Variants in THSD7B observed in about 807,000 individuals in gnomAD.
The protein encoded by THSD7B is thrombospondin type 1 domain containing 7B.
Under a neutral mutation model 213.6 loss-of-function variants are expected in THSD7B, and 138 were observed. The observed-to-expected ratio is 0.65, with a 90% CI of 0.56 to 0.74. THSD7B has a LOEUF of 0.74. Among genes scored for constraint, THSD7B ranks in the 30% least tolerant of loss-of-function variants. The pLI, the probability that THSD7B is intolerant of heterozygous loss-of-function variation, is 0.00. For missense variants in THSD7B, 1,931 were observed against 1,991.5 expected, an observed-to-expected ratio of 0.97 and a Z score of 0.58; for synonymous variants, 742 against 687.0, an observed-to-expected ratio of 1.08 and a Z score of -1.25.
At chr2:137,043,015 G>A (rs1686909682) in intron 2 of THSD7B, among the ~76,000 whole-genome samples, 1 of 152,178 alleles carries the variant, frequency 6.6e-6, no homozygotes, top group South Asian at 2.1e-4. Flanking sequence ...GATTTTCTCA[G>A]TGCACTATTG....
rs534751379 is a variant in THSD7B at position 137,219,197 on chromosome 2, A to G, written c.1724-11847A>G. ...CCATGTTCTGCAAAATTGAATAGGA[A>G]CAGTTTAATAGCCAGGGAATCAGGC... On this transcript the variant is annotated intron_variant, in intron 7 of 27. Coordinates refer to ENST00000409968, the MANE Select transcript of THSD7B (RefSeq NM_001316349.2). Among the ~76,000 whole-genome samples the G allele has an allele frequency of 5.9e-5, 9 of 152,232 alleles. No individual in the cohort carries two copies. In the South Asian group the frequency reaches 1.2e-3, roughly 21 times the overall value.
chr2:137,110,186 TC>T (rs1382006192), intron 4 of THSD7B, among the ~76,000 whole-genome samples: 1 of 152,186 alleles, frequency 6.6e-6, no homozygotes, highest in African/African-American at 2.4e-5. Context: ...TGTCTGTCTA[TC>T]CCACCAGAAG....
intron 21 of THSD7B, among the ~76,000 whole-genome samples, chr2:137,651,914 C>T (rs1683148132): frequency 1.3e-5 from 2 of 152,112 alleles, no homozygotes; most frequent in African/African-American, 4.8e-5. Flanking sequence ...GATCAGAAAA[C>T]ATACTTGATA....
At chr2:137,052,845 A>C (rs898334195) in intron 2 of THSD7B, among the ~76,000 whole-genome samples, 5 of 152,294 alleles carry the variant, frequency 3.3e-5, no homozygotes, top group African/African-American at 9.6e-5. Context: ...GAGAACTGCA[A>C]ATGGCTATAG....
chr2:137,441,057 A>G (rs1380471060), intron 14 of THSD7B, among the ~76,000 whole-genome samples: 6 of 152,146 alleles, frequency 3.9e-5, no homozygotes. Flanking sequence ...ATAGTATATT[A>G]GCCATGTGTA....
chr2:136,959,309 A>G (rs1685180340), intron 2 of THSD7B, among the ~76,000 whole-genome samples: 1 of 152,200 alleles, frequency 6.6e-6, no homozygotes. Context: ...GGAAACAGAT[A>G]AGCTGTCCCT....
At chr2:137,668,540 T>A (rs1184928173) in intron 27 of THSD7B, among the ~76,000 whole-genome samples, 3 of 151,970 alleles carry the variant, frequency 2.0e-5, no homozygotes, top group Non-Finnish European at 4.4e-5. Context: ...TATATTTAAG[T>A]TGATGAACGG....
chr2:137,659,650 A>C lies in THSD7B; in HGVS notation c.4376-14A>C. The stretch of plus-strand genomic sequence containing the variant: ...TAGAGAAATCTGCAAATGATGGTGG[A>C]ATTTCCTTTGCAGGAGGCTGCTCCC... On this transcript the variant is annotated splice_polypyrimidine_tract_variant and intron_variant, in intron 24 of 27. Transcript: ENST00000409968. 6.3e-7 allele frequency: 1 copy of C among 1,582,970 alleles called. No individual in the cohort carries two copies. Among genetic ancestry groups the C allele is most frequent in the African/African-American group, 1.3e-5 (1 of 74,152 alleles).
intron 14 of THSD7B, among the ~76,000 whole-genome samples, chr2:137,441,281 A>T (rs1347514397): frequency 6.6e-6 from 1 of 152,072 alleles, no homozygotes; most frequent in Non-Finnish European, 1.5e-5. Context: ...AATTTATACC[A>T]GAATTCTTAA....
intron 2 of THSD7B, among the ~76,000 whole-genome samples, chr2:137,053,442 A>T (rs1687104903): frequency 6.6e-6 from 1 of 152,146 alleles, no homozygotes; most frequent in South Asian, 2.1e-4. Flanking sequence ...AGGCTAAGCA[A>T]TTATTTGGAA....
chr2:136,799,132 A>T (rs949475076), intron 1 of THSD7B, among the ~76,000 whole-genome samples: 1 of 152,014 alleles, frequency 6.6e-6, no homozygotes, highest in African/African-American at 2.4e-5. Context: ...TAGATTTGCT[A>T]TGTAACACTT....
chr2:136,889,754 G>A (rs72981617), intron 2 of THSD7B, among the ~76,000 whole-genome samples: 9,679 of 152,022 alleles, frequency 0.064, 351 homozygotes, highest in Middle Eastern at 0.18. Flanking sequence ...TTTTCTTTGG[G>A]AGATTTTCCC....
intron 1 of THSD7B, among the ~76,000 whole-genome samples, chr2:136,787,719 C>G (rs1385881765): frequency 2.0e-5 from 3 of 152,064 alleles, no homozygotes; most frequent in Non-Finnish European, 2.9e-5. Context: ...ATACTGCTAT[C>G]CCTTGTTCCA....
intron 14 of THSD7B, among the ~76,000 whole-genome samples, chr2:137,432,295 G>A (rs1313783963): frequency 6.6e-6 from 1 of 152,320 alleles, no homozygotes; most frequent in East Asian, 1.9e-4. Flanking sequence ...GGAGGCTGAG[G>A]CAGGGGAATC....
intron 16 of THSD7B, among the ~76,000 whole-genome samples, chr2:137,567,979 GA>G (rs1166471473): frequency 6.6e-6 from 1 of 151,988 alleles, no homozygotes; most frequent in Admixed American, 6.6e-5. Context: ...GTGAGACTAA[GA>G]AAAAAACTGG....
intron 12 of THSD7B, among the ~76,000 whole-genome samples, chr2:137,297,972 A>G (rs1347957746): frequency 6.6e-6 from 1 of 152,128 alleles, no homozygotes; most frequent in Non-Finnish European, 1.5e-5. Flanking sequence ...AGAGTGGGGC[A>G]TTGTTGAAAG....
At chr2:137,113,531 G>C (rs1171072904) in intron 4 of THSD7B, among the ~76,000 whole-genome samples, 1 of 152,064 alleles carries the variant, frequency 6.6e-6, no homozygotes, top group African/African-American at 2.4e-5. Flanking sequence ...CCGCCTCCTG[G>C]GTTCAAGTGA....
intron 2 of THSD7B, among the ~76,000 whole-genome samples, chr2:136,908,204 A>T (rs1035693814): frequency 6.6e-6 from 1 of 152,226 alleles, no homozygotes; most frequent in Non-Finnish European, 1.5e-5. Flanking sequence ...TGTGCCATGT[A>T]CAAAATTAAT....
chr2:137,492,121 C>CT (rs2105123527), intron 15 of THSD7B, among the ~76,000 whole-genome samples: 1 of 152,222 alleles, frequency 6.6e-6, no homozygotes, highest in South Asian at 2.1e-4. Flanking sequence ...CCCTGAACTC[C>CT]TTTTCTGCTT....
Sources: gnomAD v4.1 joint callset for allele counts (sites outside exome capture counted in the v4.1 genomes callset) on GRCh38, gnomAD v4.1.1 for gene constraint, MANE v1.5 for transcripts, NCBI Gene and HGNC (gene_info 2026-07-23, HGNC 2026-07-21) for gene names.